Variants in PCDH9 observed in about 807,000 individuals in gnomAD.
PCDH9 encodes the protein protocadherin 9.
PCDH9 carries 24 observed loss-of-function variants against 70.6 expected under a neutral mutation model. The ratio of observed to expected loss-of-function variants is 0.34; its 90% confidence interval spans 0.25 to 0.48. PCDH9 has a LOEUF of 0.48. Among genes scored for constraint, PCDH9 ranks in the 20% least tolerant of loss-of-function variants. The pLI is 0.99. For synonymous variants in PCDH9, 562 were observed against 558.5 expected (o/e 1.01, Z -0.09); for missense variants, 1,281 against 1,503.6 (o/e 0.85, Z 2.45).
intron 4 of PCDH9, among the ~76,000 whole-genome samples, chr13:66,626,362 G>C (rs1248068586): frequency 1.3e-5 from 2 of 152,136 alleles, no homozygotes; most frequent in Non-Finnish European, 2.9e-5. Flanking sequence ...GATCCATGCT[G>C]TCCATCTAGA....
chr13:66,404,187 GCACTGC>G (rs1294329826), intron 4 of PCDH9, among the ~76,000 whole-genome samples: 1 of 152,124 alleles, frequency 6.6e-6, no homozygotes, highest in Non-Finnish European at 1.5e-5. Context: ...ATAAATAGAG[GCACTGC>G]TTACTCCTGG....
intron 4 of PCDH9, among the ~76,000 whole-genome samples, chr13:66,568,680 A>G (rs1196982465): frequency 6.6e-6 from 1 of 152,012 alleles, no homozygotes; most frequent in African/African-American, 2.4e-5. Context: ...CTCAAAAAAA[A>G]AAAAGAAAAT....
At chr13:66,463,930 G>C (rs1958469936) in intron 4 of PCDH9, among the ~76,000 whole-genome samples, 1 of 151,512 alleles carries the variant, frequency 6.6e-6, no homozygotes, top group South Asian at 2.1e-4. Flanking sequence ...TAGATGTCTA[G>C]GGGAAAAAAG....
At chr13:66,828,028 T>A (rs74093623) in intron 3 of PCDH9, among the ~76,000 whole-genome samples, 7,501 of 152,262 alleles carry the variant, frequency 0.049, 609 homozygotes, top group African/African-American at 0.17. Flanking sequence ...CCAGTTTCTT[T>A]ACATATAAAA....
chr13:66,908,153 C>T (rs1044465429), intron 2 of PCDH9, among the ~76,000 whole-genome samples: 1 of 152,200 alleles, frequency 6.6e-6, no homozygotes, highest in African/African-American at 2.4e-5. Flanking sequence ...AGGTTTCAAG[C>T]ACGCCCATTC....
At chr13:66,948,264 G>A (rs1336008849) in intron 2 of PCDH9, among the ~76,000 whole-genome samples, 1 of 152,054 alleles carries the variant, frequency 6.6e-6, no homozygotes, top group African/African-American at 2.4e-5. Context: ...AGAAACAGAT[G>A]CAGTTCATGC....
intron 4 of PCDH9, among the ~76,000 whole-genome samples, chr13:66,619,198 A>C (rs1166784520): frequency 1.3e-5 from 2 of 152,140 alleles, no homozygotes; most frequent in African/African-American, 4.8e-5. Flanking sequence ...ATGGTAGTAA[A>C]ACATTAAAGT....
intron 3 of PCDH9, among the ~76,000 whole-genome samples, chr13:66,788,608 C>G (rs1436189493): frequency 6.8e-6 from 1 of 146,736 alleles, no homozygotes; most frequent in African/African-American, 2.5e-5. Flanking sequence ...CAGGTTGAAA[C>G]TTCAGTCTAT....
intron 4 of PCDH9, among the ~76,000 whole-genome samples, chr13:66,382,158 C>A (rs1956860169): frequency 6.6e-6 from 1 of 152,136 alleles, no homozygotes; most frequent in Admixed American, 6.6e-5. Flanking sequence ...AAAGTGAACT[C>A]TTACTCAGGA....
chr13:67,192,372 A>C (rs2088940631), intron 2 of PCDH9, among the ~76,000 whole-genome samples: 1 of 152,182 alleles, frequency 6.6e-6, no homozygotes, highest in Non-Finnish European at 1.5e-5. Context: ...ACACTTCTTC[A>C]AAGGTTTAAT....
intron 4 of PCDH9, among the ~76,000 whole-genome samples, chr13:66,465,054 T>C (rs916292537): frequency 7.2e-5 from 11 of 151,856 alleles, no homozygotes; most frequent in African/African-American, 2.7e-4. Context: ...TTCTTGAACA[T>C]CTGGTGAAAA....
chr13:66,580,020 C>T (rs554131008), intron 4 of PCDH9, among the ~76,000 whole-genome samples: 2 of 151,928 alleles, frequency 1.3e-5, no homozygotes, highest in African/African-American at 2.4e-5. Context: ...TTATATATGT[C>T]TTTGATCTCT....
intron 4 of PCDH9, among the ~76,000 whole-genome samples, chr13:66,408,056 T>A (rs1382580710): frequency 6.7e-6 from 1 of 149,956 alleles, no homozygotes; most frequent in Non-Finnish European, 1.5e-5. Context: ...ATCACTTTTT[T>A]TTTTTTTTTT....
chr13:66,449,766 C>T (rs1311683962), intron 4 of PCDH9, among the ~76,000 whole-genome samples: 1 of 151,952 alleles, frequency 6.6e-6, no homozygotes, highest in East Asian at 1.9e-4. Flanking sequence ...ATATCCCAAT[C>T]GTACAGTAAT....
chr13:66,663,848 G>A (rs1243829196), intron 3 of PCDH9, among the ~76,000 whole-genome samples: 1 of 152,134 alleles, frequency 6.6e-6, no homozygotes, highest in African/African-American at 2.4e-5. Context: ...TCTAAAATGA[G>A]GCATATGTTA....
chr13:66,806,766 G>T (rs1274527659), intron 3 of PCDH9, among the ~76,000 whole-genome samples: 1 of 152,112 alleles, frequency 6.6e-6, no homozygotes, highest in Non-Finnish European at 1.5e-5. Context: ...AGGAAGTACG[G>T]TGCTTAGCAC....
At chr13:66,934,971 C>T (rs551425336) in intron 2 of PCDH9, among the ~76,000 whole-genome samples, 1 of 151,698 alleles carries the variant, frequency 6.6e-6, no homozygotes, top group South Asian at 2.1e-4. Context: ...CCGCCCGCCT[C>T]GGCCTCCCAA....
intron 3 of PCDH9, among the ~76,000 whole-genome samples, chr13:66,781,601 C>T (rs576136419): frequency 6.6e-6 from 1 of 152,248 alleles, no homozygotes; most frequent in South Asian, 2.1e-4. Context: ...TAAAAGTACA[C>T]ATTAGGCTTA....
At chr13:66,526,484 G>A (rs1424391585) in intron 4 of PCDH9, among the ~76,000 whole-genome samples, 1 of 149,898 alleles carries the variant, frequency 6.7e-6, no homozygotes, top group Non-Finnish European at 1.5e-5. Flanking sequence ...ATGTATTTAT[G>A]TTTACTTATA....
Sources: gnomAD v4.1 joint callset for allele counts (sites outside exome capture counted in the v4.1 genomes callset) on GRCh38, gnomAD v4.1.1 for gene constraint, MANE v1.5 for transcripts, NCBI Gene and HGNC (gene_info 2026-07-23, HGNC 2026-07-21) for gene names.